Variants in TBX4 observed in about 807,000 individuals in gnomAD.
The protein encoded by TBX4 is T-box transcription factor 4, also known as T-box transcription factor TBX4.
Under a neutral mutation model 54.6 loss-of-function variants are expected in TBX4, and 13 were observed. The observed-to-expected ratio is 0.24, with a 90% CI of 0.15 to 0.38. The LOEUF is 0.38. Among genes scored for constraint, TBX4 ranks in the 10% least tolerant of loss-of-function variants. The pLI is 1.00. For missense variants in TBX4, 631 were observed against 728.5 expected, an observed-to-expected ratio of 0.87 and a Z score of 1.54; for synonymous variants, 314 against 306.7, an observed-to-expected ratio of 1.02 and a Z score of -0.25.
chr17:61,474,881 C>T lies in TBX4; in HGVS notation c.550-3746C>T, dbSNP rs1161008765. 1.3e-5 allele frequency among the ~76,000 whole-genome samples: 2 copies of T among 152,208 alleles called. No homozygotes were observed. The highest frequency in any genetic ancestry group is 2.9e-5 in the Non-Finnish European group (2 of 68,044). On this transcript the variant is annotated intron_variant, in intron 5 of 8. Transcript: ENST00000644296. The surrounding 1 kb of genome is among the most constrained non-coding windows in gnomAD (Gnocchi z 4.6). Reference sequence around the variant, plus strand: ...GCTCAAGTTTATACTTGTCTTGGCTCAATGGGTGGGACTTTCTTCCAGATA... The same window carrying T: ...GCTCAAGTTTATACTTGTCTTGGCTTAATGGGTGGGACTTTCTTCCAGATA...
At chr17:61,463,594 C>G (rs563571265) in intron 3 of TBX4, among the ~76,000 whole-genome samples, 133 of 152,356 alleles carry the variant, frequency 8.7e-4, no homozygotes, top group Admixed American at 8.1e-3. Context: ...GGCCAGGGCC[C>G]CTTAGCCTCC....
Position 61,483,613 on chromosome 17 carries a change from A to AGTGTGTGTGTGTGT in TBX4, c.*124_*137dup, listed in dbSNP as rs149977669. ...ACCAAGAAACACAGGAAGGTATTCC[A>AGTGTGTGTGTGTGT]GTGTGTGTGTGTGTGTGTGTGTGTG... On this transcript the variant is annotated 3_prime_UTR_variant, in exon 9 of 9. Coordinates refer to ENST00000644296, the MANE Select transcript of TBX4 (RefSeq NM_001321120.2). The surrounding 1 kb of genome is among the most constrained non-coding windows in gnomAD (Gnocchi z 6.6). 0.013 allele frequency: 10,240 copies of AGTGTGTGTGTGTGT among 780,648 alleles called. 138 individuals are homozygous for AGTGTGTGTGTGTGT. The highest frequency in any genetic ancestry group is 0.043 in the African/African-American group (2,165 of 50,710). 48.4% of individuals were successfully genotyped at this position (780,648 alleles called of 1,614,324 possible).
In TBX4 at chr17:61,460,233, C is replaced by T. The variant is rs2060485159; in HGVS notation, c.281+2602C>T. On this transcript the variant is annotated intron_variant, in intron 3 of 8. Transcript: ENST00000644296. The surrounding 1 kb of genome is among the most constrained non-coding windows in gnomAD (Gnocchi z 4.4). ...TCCCTTGATTGCTTTTTTACGGGGTCCTATTCAGTGTGGATTGTGGCTCTG... is the reference window on the plus strand; with the variant it reads ...TCCCTTGATTGCTTTTTTACGGGGTTCTATTCAGTGTGGATTGTGGCTCTG... 1.3e-5 allele frequency: 2 copies of T among 152,468 alleles called. No homozygotes were observed. The highest frequency in any genetic ancestry group is 4.1e-4 in the South Asian group (2 of 4,828). The allele number at this position is 152,468 out of a possible 1,614,324, so 9.4% of individuals were successfully genotyped here.
chr17:61,478,488 C>A lies in TBX4; in HGVS notation c.550-139C>A. 8.5e-7 allele frequency: 1 copy of A among 1,181,838 alleles called. No individual in the cohort carries two copies. The allele number at this position is 1,181,838 out of a possible 1,614,324, so 73.2% of individuals were successfully genotyped here. A position where few individuals can be genotyped will look rare whatever the true frequency, so the allele number is the denominator to read the frequency against. Reference sequence around the variant, plus strand: ...GGGCCTGGTTCTTCACTTGGGAGCTCCAGTCCTGGTCGGTAGGCCCCGGAT... The same window carrying A: ...GGGCCTGGTTCTTCACTTGGGAGCTACAGTCCTGGTCGGTAGGCCCCGGAT... On this transcript the variant is annotated intron_variant, in intron 5 of 8. Transcript: ENST00000644296. The surrounding 1 kb of genome is among the most constrained non-coding windows in gnomAD (Gnocchi z 7.4).
chr17:61,457,457 G>C lies in TBX4; in HGVS notation c.187-80G>C, dbSNP rs1300121021. On this transcript the variant is annotated intron_variant, in intron 2 of 8. Transcript: ENST00000644296. This position sits in a 1 kb window ranked among gnomAD's most constrained non-coding sequence, Gnocchi z 8.2. Reference sequence around the variant, plus strand: ...CGGGCAGGGTTCCGCACAGCTCTTCGGGTCTGGTTCTTCTTTCCTCAGGCT... The same window carrying C: ...CGGGCAGGGTTCCGCACAGCTCTTCCGGTCTGGTTCTTCTTTCCTCAGGCT... 2.2e-6 allele frequency: 3 copies of C among 1,376,198 alleles called. No individual in the cohort carries two copies. The South Asian group carries it at 3.5e-5, about 16-fold the overall frequency. 85.2% of individuals were successfully genotyped at this position (1,376,198 alleles called of 1,614,324 possible).
chr17:61,478,867 A>G lies in TBX4; in HGVS notation c.702+88A>G. On this transcript the variant is annotated intron_variant, in intron 6 of 8. Transcript: ENST00000644296. The surrounding 1 kb of genome is among the most constrained non-coding windows in gnomAD (Gnocchi z 7.4). ...AGGCAGAGAGGCAGAGTGTGAAGCC[A>G]GAGTCCCAGCAGGGCTTGGGCAGGC... 1.2e-6 allele frequency: 2 copies of G among 1,606,930 alleles called. No homozygotes were observed. Among genetic ancestry groups the G allele is most frequent in the Middle Eastern group, 1.7e-4 (1 of 5,944 alleles).
At position 61,483,560 on chromosome 17, in the gene TBX4, A is replaced by G. The variant is rs1603256381; in HGVS notation, c.*44A>G. 2.5e-6 allele frequency: 4 copies of G among 1,610,848 alleles called. No homozygotes were observed. In the East Asian group the frequency reaches 8.9e-5, roughly 36 times the overall value. On this transcript the variant is annotated 3_prime_UTR_variant, in exon 9 of 9. Transcript: ENST00000644296. The surrounding 1 kb of genome is among the most constrained non-coding windows in gnomAD (Gnocchi z 6.6). ...AGCCCCGGGACCGTGTTGCTCCAGT[A>G]TTAACCTCTGTGGGTGGCCTGCACT...
Position 61,465,661 on chromosome 17 carries a change from G to A in TBX4, c.282-158G>A, listed in dbSNP as rs1428732387. 3.3e-6 allele frequency: 3 copies of A among 915,292 alleles called. No homozygotes were observed. Among genetic ancestry groups the A allele is most frequent in the Non-Finnish European group, 5.2e-6 (3 of 575,976 alleles). The allele number at this position is 915,292 out of a possible 1,614,324, so 56.7% of individuals were successfully genotyped here. A position where few individuals can be genotyped will look rare whatever the true frequency, so the allele number is the denominator to read the frequency against. ...TTTCACTGTGCAGCTCGGGCAGAGG[G>A]GGAAGTGAGTTGTGCAGGTCACACA... On this transcript the variant is annotated intron_variant, in intron 3 of 8. Transcript: ENST00000644296. The surrounding 1 kb of genome is among the most constrained non-coding windows in gnomAD (Gnocchi z 4.9).
At position 61,483,510 on chromosome 17, in the gene TBX4, C is replaced by T. The variant is rs545088929; in HGVS notation, c.1635C>T (p.Asp545=). Reference sequence around the variant, plus strand: ...TGGGGACTGTGGAGAACTGGACTGACGGATGACTCTCACGTCTCCTCCATA... The same window carrying T: ...TGGGGACTGTGGAGAACTGGACTGATGGATGACTCTCACGTCTCCTCCATA... The part of the protein sequence containing the change: ...SGMGTVENWT[D]G The change falls in exon 9 of 9, where the codon GAC becomes GAT. Residue 545 remains aspartate, a synonymous_variant. Transcript: ENST00000644296. The surrounding 1 kb of genome is among the most constrained non-coding windows in gnomAD (Gnocchi z 6.6). 1.4e-5 allele frequency: 22 copies of T among 1,613,966 alleles called. No individual in the cohort carries two copies. Among genetic ancestry groups the T allele is most frequent in the East Asian group, 6.7e-5 (3 of 44,892 alleles).
At chr17:61,477,366 C>T (rs1212112631) in intron 5 of TBX4, among the ~76,000 whole-genome samples, 1 of 152,234 alleles carries the variant, frequency 6.6e-6, no homozygotes, top group Non-Finnish European at 1.5e-5. Context: ...TGAGCGGCCC[C>T]CGGGGGCTCT....
chr17:61,460,479 G>T lies in TBX4; in HGVS notation c.281+2848G>T, dbSNP rs2060486720. On this transcript the variant is annotated intron_variant, in intron 3 of 8. Transcript: ENST00000644296. This position sits in a 1 kb window ranked among gnomAD's most constrained non-coding sequence, Gnocchi z 4.4. ...TGACTTTGAACTGCCAAACAATTTG[G>T]CCTGGTGGATAAAATGCCAACCACA... Among the ~76,000 whole-genome samples the T allele has an allele frequency of 6.6e-6, 1 of 152,114 alleles. No individual in the cohort carries two copies. Among genetic ancestry groups the T allele is most frequent in the Admixed American group, 6.6e-5 (1 of 15,260 alleles).
intron 1 of TBX4, chr17:61,452,893 G>A (rs2060424273): frequency 1.0e-6 from 1 of 984,522 alleles, no homozygotes; most frequent in African/African-American, 1.7e-5. Context: ...ACAAGGCCGT[G>A]ACAGGCGGAG....
rs2060475801 is a variant in TBX4, at chr17:61,459,106, AT to A, written c.281+1476del. 1.3e-5 allele frequency among the ~76,000 whole-genome samples: 2 copies of A among 152,212 alleles called. 1 individual carries two copies. The highest frequency in any genetic ancestry group is 4.1e-4 in the South Asian group (2 of 4,832). On this transcript the variant is annotated intron_variant, in intron 3 of 8. Transcript: ENST00000644296. The surrounding 1 kb of genome is among the most constrained non-coding windows in gnomAD (Gnocchi z 4.8). ...GGCTTGAGCTTGCTGTATTTTGGGG[AT>A]GGAGATAGGGAAGGAAGACACATGA...
rs1159276152 is a variant in TBX4 at position 61,457,621 on chromosome 17, A to G, written c.271A>G (p.Lys91Glu). Residue 91 changes from lysine (K) to glutamate (E), a missense_variant, in exon 3 of 9, where the codon AAG (lysine) becomes GAG (glutamate). This residue lies in a region of TBX4 where 154 missense variants were observed against 238.6 expected (regional missense o/e 0.65). Transcript: ENST00000644296. The surrounding 1 kb of genome is among the most constrained non-coding windows in gnomAD (Gnocchi z 8.2). ...HEAGTEMIIT[K>E]AGRRMFPSYK... ...GGCGGGCACCGAGATGATCATCACT[A>G]AGGCTGGCAGGTCAGCGCTGGGAGA... 6.2e-7 allele frequency: 1 copy of G among 1,613,678 alleles called. No homozygotes were observed. Among genetic ancestry groups the G allele is most frequent in the South Asian group, 1.1e-5 (1 of 91,056 alleles).
rs1191985402 is a variant in TBX4 at position 61,482,890 on chromosome 17, C to T, written c.1022-7C>T. 1 of 1,613,150 alleles carries T rather than the reference C, an allele frequency of 6.2e-7. No homozygotes were observed. The highest frequency in any genetic ancestry group is 8.5e-7 in the Non-Finnish European group (1 of 1,179,798). On this transcript the variant is annotated splice_region_variant and splice_polypyrimidine_tract_variant and intron_variant, in intron 8 of 8. Coordinates refer to ENST00000644296, the MANE Select transcript of TBX4 (RefSeq NM_001321120.2). The stretch of plus-strand genomic sequence containing the variant: ...TGGTTCTTCCTGAATGTTACTTTGT[C>T]TTTCAGCAGACGGTACCCGCCACCT...
In TBX4 at chr17:61,483,819, T is replaced by C; in HGVS notation, c.*303T>C. 2.4e-6 allele frequency: 1 copy of C among 418,416 alleles called. No individual in the cohort carries two copies. The highest frequency in any genetic ancestry group is 4.5e-6 in the Non-Finnish European group (1 of 222,400). 25.9% of individuals were successfully genotyped at this position (418,416 alleles called of 1,614,324 possible). A position where few individuals can be genotyped will look rare whatever the true frequency, so the allele number is the denominator to read the frequency against. On this transcript the variant is annotated 3_prime_UTR_variant, in exon 9 of 9. Coordinates refer to ENST00000644296, the MANE Select transcript of TBX4 (RefSeq NM_001321120.2). The surrounding 1 kb of genome is among the most constrained non-coding windows in gnomAD (Gnocchi z 6.6). ...GACATGCCCGTGGGTGGGATGGGAG[T>C]GGAGGGTTCATATGAGTTATTGAGA... is the stretch of plus-strand genomic sequence containing the variant.
At chr17:61,456,746 T>C in intron 2 of TBX4, 70 bp downstream of exon 2, 1 of 1,202,900 alleles carries the variant, frequency 8.3e-7, no homozygotes, top group East Asian at 3.3e-5. Flanking sequence ...GTGTCCGTCT[T>C]TCCGTCCGAT....
In TBX4 at chr17:61,483,455, G is replaced by A. The variant is rs773964621; in HGVS notation, c.1580G>A (p.Arg527Gln). ...TACTCTCAAACCTTCTCCTTGTCCC[G>A]AGAATCTTCCTTACAGTACCATTCA... is the stretch of plus-strand genomic sequence containing the variant. ...FLYSQTFSLSRESSLQYHSGM... is the reference protein window; with the variant it reads ...FLYSQTFSLSQESSLQYHSGM... Residue 527 changes from arginine (R) to glutamine (Q), a missense_variant, in exon 9 of 9, where the codon CGA becomes CAA. By Grantham distance (43) the Arg-to-Gln change is conservative. Coordinates refer to ENST00000644296, the MANE Select transcript of TBX4 (RefSeq NM_001321120.2). The surrounding 1 kb of genome is among the most constrained non-coding windows in gnomAD (Gnocchi z 6.6). 24 of 1,614,024 alleles carry A rather than the reference G, an allele frequency of 1.5e-5. No individual in the cohort carries two copies. The highest frequency in any genetic ancestry group is 3.3e-4 in the Middle Eastern group (2 of 6,084).
chr17:61,483,497 A>G lies in TBX4; in HGVS notation c.1622A>G (p.Glu541Gly). ...LQYHSGMGTV[E>G]NWTDG is the part of the protein sequence containing the mutation. ...TACCATTCAGGAATGGGGACTGTGG[A>G]GAACTGGACTGACGGATGACTCTCA... Residue 541 changes from glutamate to glycine, a missense_variant, in exon 9 of 9, where the codon GAG becomes GGG. Glu to Gly is a moderately conservative substitution (Grantham distance 98). Around this residue, in one of 3 missense-constraint regions of TBX4, gnomAD observed 354 missense variants for 368.9 expected, o/e 0.96. Coordinates refer to ENST00000644296, the MANE Select transcript of TBX4 (RefSeq NM_001321120.2). This position sits in a 1 kb window ranked among gnomAD's most constrained non-coding sequence, Gnocchi z 6.6. The G allele has an allele frequency of 6.2e-7, 1 of 1,614,128 alleles. No individual in the cohort carries two copies. The highest frequency in any genetic ancestry group is 1.1e-5 in the South Asian group (1 of 91,068).
Sources: gnomAD v4.1 joint callset for allele counts (sites outside exome capture counted in the v4.1 genomes callset) on GRCh38, gnomAD v4.1.1 for gene constraint, gnomAD v4.1.1 regional missense constraint, Gnocchi (gnomAD v3.1) non-coding constraint, MANE v1.5 for transcripts, NCBI Gene and HGNC (gene_info 2026-07-23, HGNC 2026-07-21) for gene names.